CACNA2D3: variants seen among roughly 807,000 people sequenced by gnomAD.
CACNA2D3 encodes the protein voltage-dependent calcium channel subunit alpha-2/delta-3.
In CACNA2D3, 60 loss-of-function variants were observed where a neutral mutation model predicts 160.6. The ratio of observed to expected loss-of-function variants is 0.37; its 90% CI spans 0.30 to 0.46. CACNA2D3 has a LOEUF of 0.46. Among genes scored for constraint, CACNA2D3 ranks in the 20% least tolerant of loss-of-function variants. The probability of loss-of-function intolerance (pLI) is 1.00; values close to 1 mark genes in which losing one functional copy is unlikely to be tolerated. For synonymous variants in CACNA2D3, 558 were observed against 492.9 expected, an observed-to-expected ratio of 1.13 and a Z score of -1.75; for missense variants, 1,205 against 1,365.0, an observed-to-expected ratio of 0.88 and a Z score of 1.85.
At chr3:54,402,285 A>G (rs951895650) in intron 4 of CACNA2D3, among the ~76,000 whole-genome samples, 1 of 152,178 alleles carries the variant, frequency 6.6e-6, no homozygotes, top group Non-Finnish European at 1.5e-5. Flanking sequence ...TTACCTATCA[A>G]TAATTACGAT....
At chr3:54,727,137 C>T (rs1483351124) in intron 11 of CACNA2D3, among the ~76,000 whole-genome samples, 2 of 152,140 alleles carry the variant, frequency 1.3e-5, no homozygotes, top group Non-Finnish European at 2.9e-5. Context: ...ATTTATGCAG[C>T]CAACAGACAT....
intron 4 of CACNA2D3, among the ~76,000 whole-genome samples, chr3:54,451,045 C>G (rs756851026): frequency 6.6e-6 from 1 of 151,992 alleles, no homozygotes; most frequent in Admixed American, 6.6e-5. Context: ...GCAGAACAAA[C>G]TCTACTAGGC....
chr3:54,765,783 A>G (rs1270770054), intron 13 of CACNA2D3, among the ~76,000 whole-genome samples: 1 of 152,210 alleles, frequency 6.6e-6, no homozygotes, highest in Admixed American at 6.5e-5. Flanking sequence ...GGACAGACAG[A>G]TCAGTAGAGT....
intron 27 of CACNA2D3, among the ~76,000 whole-genome samples, chr3:54,903,380 C>T (rs915283200): frequency 7.2e-5 from 11 of 152,162 alleles, no homozygotes; most frequent in African/African-American, 2.4e-4. Context: ...TGCAAAGGAC[C>T]TGATCTCATT....
intron 4 of CACNA2D3, among the ~76,000 whole-genome samples, chr3:54,479,141 T>C (rs1376078274): frequency 6.6e-6 from 1 of 152,076 alleles, no homozygotes; most frequent in Non-Finnish European, 1.5e-5. Flanking sequence ...TGAGATCTGA[T>C]GGTTTTATAA....
intron 4 of CACNA2D3, among the ~76,000 whole-genome samples, chr3:54,431,536 G>T (rs1340407650): frequency 1.3e-5 from 2 of 152,100 alleles, no homozygotes; most frequent in African/African-American, 2.4e-5. Context: ...AAGTGGACCT[G>T]CTCAGTTCAA....
chr3:54,520,533 A>G (rs886677008), intron 5 of CACNA2D3, among the ~76,000 whole-genome samples: 2 of 152,234 alleles, frequency 1.3e-5, no homozygotes, highest in African/African-American at 4.8e-5. Context: ...AGGTTGGAGC[A>G]GAGGCTCTCA....
chr3:54,859,909 C>T (rs892617047), intron 17 of CACNA2D3, among the ~76,000 whole-genome samples: 2 of 151,056 alleles, frequency 1.3e-5, no homozygotes, highest in Non-Finnish European at 2.9e-5. Flanking sequence ...GCAATTCACC[C>T]CAGGCAGAGC....
At chr3:54,809,873 T>G (rs977962971) in intron 13 of CACNA2D3, among the ~76,000 whole-genome samples, 1 of 151,918 alleles carries the variant, frequency 6.6e-6, no homozygotes, top group African/African-American at 2.4e-5. Context: ...AATACAACAG[T>G]GAATAAGATA....
intron 4 of CACNA2D3, among the ~76,000 whole-genome samples, chr3:54,486,609 G>T (rs912516076): frequency 1.3e-5 from 2 of 152,172 alleles, no homozygotes; most frequent in East Asian, 3.8e-4. Context: ...CTCTGTTTCT[G>T]TTAGGCTTTG....
chr3:54,486,153 A>G (rs78158401), intron 4 of CACNA2D3, among the ~76,000 whole-genome samples: 26 of 152,318 alleles, frequency 1.7e-4, no homozygotes, highest in Non-Finnish European at 3.8e-4. Context: ...ACTAGTGCAA[A>G]CACCTGGAGA....
At chr3:54,169,256 G>A (rs1700512554) in intron 2 of CACNA2D3, among the ~76,000 whole-genome samples, 1 of 152,324 alleles carries the variant, frequency 6.6e-6, no homozygotes, top group African/African-American at 2.4e-5. Flanking sequence ...TGCAAAAAAA[G>A]TAACGGCCTG....
chr3:54,173,479 G>A (rs918558679), intron 2 of CACNA2D3, among the ~76,000 whole-genome samples: 2 of 152,216 alleles, frequency 1.3e-5, no homozygotes, highest in Non-Finnish European at 2.9e-5. Context: ...CCACAAGGCT[G>A]CTTTTTTTCT....
intron 2 of CACNA2D3, among the ~76,000 whole-genome samples, chr3:54,246,732 CAAAA>C (rs201897328): frequency 6.7e-6 from 1 of 149,558 alleles, no homozygotes. Context: ...CTCAAAAAAA[CAAAA>C]AAAAGAGCCA....
intron 4 of CACNA2D3, among the ~76,000 whole-genome samples, chr3:54,476,897 A>G (rs977462204): frequency 6.6e-6 from 1 of 152,188 alleles, no homozygotes; most frequent in Non-Finnish European, 1.5e-5. Flanking sequence ...ACTTTATTTT[A>G]TGTTAAAGAT....
At chr3:54,469,972 G>T (rs867046956) in intron 4 of CACNA2D3, among the ~76,000 whole-genome samples, 31 of 152,316 alleles carry the variant, frequency 2.0e-4, no homozygotes, top group African/African-American at 6.7e-4. Context: ...ACCTGAAAGT[G>T]ATGGGGAGAA....
chr3:54,925,288 A>C (rs1575380209), intron 27 of CACNA2D3: 1 of 1,244,736 alleles, frequency 8.0e-7, no homozygotes, highest in East Asian at 2.3e-5. Context: ...TCCGCCTTTG[A>C]ATTTACAGGT....
chr3:54,664,403 A>G (rs1332940865), intron 11 of CACNA2D3, among the ~76,000 whole-genome samples: 6 of 152,274 alleles, frequency 3.9e-5, no homozygotes, highest in Middle Eastern at 3.4e-3. Flanking sequence ...GTCATTTGAA[A>G]TTTTCAGAAA....
rs541854129 is a variant in CACNA2D3, at chr3:54,995,179, G to T, written c.2690+7426G>T. ...AGTAGAGACAGGGTTTCGCCATGTT[G>T]GTCAGGCTGGTCTTGAACTCCTGAC... On this transcript the variant is annotated intron_variant, in intron 31 of 37. Transcript: ENST00000474759. 8.5e-5 allele frequency among the ~76,000 whole-genome samples: 13 copies of T among 152,138 alleles called. 1 individual carries two copies. The South Asian group carries it at 2.7e-3, about 32-fold the overall frequency.
Sources: gnomAD v4.1 joint callset for allele counts (sites outside exome capture counted in the v4.1 genomes callset) on GRCh38, gnomAD v4.1.1 for gene constraint, MANE v1.5 for transcripts, NCBI Gene and HGNC (gene_info 2026-07-23, HGNC 2026-07-21) for gene names.